Variants in PLCB1 observed in about 807,000 individuals in gnomAD.
The protein encoded by PLCB1 is phospholipase C beta 1, also known as 1-phosphatidylinositol 4,5-bisphosphate phosphodiesterase beta-1.
Under a neutral mutation model 161.8 loss-of-function variants are expected in PLCB1, and 46 were observed. That is an observed-to-expected ratio of 0.28 (90% confidence interval 0.22 to 0.36). The LOEUF (loss-of-function observed/expected upper bound fraction) is 0.36. Ranked by LOEUF, PLCB1 falls within the 10% of genes least tolerant of loss-of-function variation. PLCB1 has a pLI of 1.00. For missense variants in PLCB1, 1,016 were observed against 1,472.5 expected (o/e 0.69, Z 5.07); for synonymous variants, 517 against 503.7 (o/e 1.03, Z -0.35).
intron 3 of PLCB1, among the ~76,000 whole-genome samples, chr20:8,589,749 G>A (rs1383728293): frequency 6.6e-6 from 1 of 151,370 alleles, no homozygotes; most frequent in East Asian, 2.0e-4. Flanking sequence ...CCAAGTGACT[G>A]GGGCTACAGA....
At chr20:8,811,606 T>C (rs1468681335) in intron 31 of PLCB1, among the ~76,000 whole-genome samples, 2 of 152,242 alleles carry the variant, frequency 1.3e-5, no homozygotes, top group African/African-American at 4.8e-5. Flanking sequence ...AATATGTTAA[T>C]GAGTATACAG....
At chr20:8,168,640 G>A (rs2051700428) in intron 2 of PLCB1, among the ~76,000 whole-genome samples, 1 of 152,144 alleles carries the variant, frequency 6.6e-6, no homozygotes, top group Non-Finnish European at 1.5e-5. Context: ...GTTGGGAGCA[G>A]TTGCAACAAG....
chr20:8,412,437 A>T (rs1489575374), intron 3 of PLCB1, among the ~76,000 whole-genome samples: 1 of 152,206 alleles, frequency 6.6e-6, no homozygotes, highest in African/African-American at 2.4e-5. Context: ...ACAAGAAAAC[A>T]TCATTTTCCT....
chr20:8,752,519 C>A (rs1368036969), intron 23 of PLCB1, among the ~76,000 whole-genome samples: 1 of 152,058 alleles, frequency 6.6e-6, no homozygotes, highest in Non-Finnish European at 1.5e-5. Flanking sequence ...ATGGGCTGGG[C>A]AGGGTGGCTC....
chr20:8,169,609 G>A (rs1878712362), intron 2 of PLCB1, among the ~76,000 whole-genome samples: 2 of 152,006 alleles, frequency 1.3e-5, no homozygotes, highest in East Asian at 1.9e-4. Context: ...AAACATCAGG[G>A]CCCCCAAGGA....
intron 1 of PLCB1, among the ~76,000 whole-genome samples, chr20:8,147,935 C>T (rs926815): frequency 0.18 from 26,366 of 143,576 alleles, 2,458 homozygotes; most frequent in African/African-American, 0.24. Flanking sequence ...TGCAGTGGTG[C>T]GATCTCAGCT....
intron 25 of PLCB1, among the ~76,000 whole-genome samples, chr20:8,764,796 C>T (rs1982227912): frequency 6.6e-6 from 1 of 152,184 alleles, no homozygotes; most frequent in Non-Finnish European, 1.5e-5. Flanking sequence ...TGCTCAGCTC[C>T]TTCCCCAGCC....
Position 8,788,325 on chromosome 20 carries a change from C to CT in PLCB1, c.3112-121dup, listed in dbSNP as rs1179039690. On this transcript the variant is annotated intron_variant, in intron 27 of 31. Coordinates refer to ENST00000338037, the MANE Select transcript of PLCB1 (RefSeq NM_015192.4). ...ATTGCCAATGTTAGATGTCTGACAA[C>CT]TTTAACTATTGTGAAACATCCATCA... 1.1e-5 allele frequency: 9 copies of CT among 843,694 alleles called. No homozygotes were observed. The East Asian group carries it at 2.1e-4, about 20-fold the overall frequency. 52.3% of individuals were successfully genotyped at this position (843,694 alleles called of 1,614,324 possible).
chr20:8,561,953 CA>C (rs1194382924), intron 3 of PLCB1, among the ~76,000 whole-genome samples: 2 of 152,024 alleles, frequency 1.3e-5, no homozygotes, highest in East Asian at 1.9e-4. Flanking sequence ...ATTCTTGCAG[CA>C]AAAAACTCCC....
At chr20:8,257,282 G>C (rs1159858309) in intron 2 of PLCB1, among the ~76,000 whole-genome samples, 1 of 152,018 alleles carries the variant, frequency 6.6e-6, no homozygotes, top group Non-Finnish European at 1.5e-5. Flanking sequence ...TCAGGTACTA[G>C]AGTGATTTTT....
At chr20:8,687,009 T>C (rs1990374691) in intron 10 of PLCB1, among the ~76,000 whole-genome samples, 1 of 121,572 alleles carries the variant, frequency 8.2e-6, no homozygotes, top group Admixed American at 9.0e-5. Context: ...TACTTCTACC[T>C]ACCAATTTAA....
At chr20:8,172,307 A>G (rs566743491) in intron 2 of PLCB1, among the ~76,000 whole-genome samples, 31 of 152,308 alleles carry the variant, frequency 2.0e-4, no homozygotes, top group African/African-American at 7.5e-4. Flanking sequence ...GGAATCTCTG[A>G]TAAGCTGATC....
chr20:8,183,207 TCAGGG>T (rs2051865822), intron 2 of PLCB1, among the ~76,000 whole-genome samples: 1 of 152,210 alleles, frequency 6.6e-6, no homozygotes, highest in South Asian at 2.1e-4. Flanking sequence ...TATCTTTCCT[TCAGGG>T]TTCCAGTCCT....
At chr20:8,415,375 A>G (rs1293337550) in intron 3 of PLCB1, among the ~76,000 whole-genome samples, 1 of 152,238 alleles carries the variant, frequency 6.6e-6, no homozygotes, top group Non-Finnish European at 1.5e-5. Context: ...AGGAAACATT[A>G]TAAGTGTTCG....
chr20:8,593,570 T>G (rs1349244353), intron 3 of PLCB1, among the ~76,000 whole-genome samples: 1 of 152,222 alleles, frequency 6.6e-6, no homozygotes, highest in African/African-American at 2.4e-5. Flanking sequence ...CTTAGTATAA[T>G]ACCAATGATA....
chr20:8,446,854 CTTA>C (rs11468477), intron 3 of PLCB1, among the ~76,000 whole-genome samples: 2,830 of 151,800 alleles, frequency 0.019, 94 homozygotes, highest in African/African-American at 0.065. Context: ...ATAAATTGTT[CTTA>C]TTAAGGAATT....
At chr20:8,855,868 C>T (rs1392759732) in intron 31 of PLCB1, among the ~76,000 whole-genome samples, 1 of 152,132 alleles carries the variant, frequency 6.6e-6, no homozygotes, top group Non-Finnish European at 1.5e-5. Context: ...TAAAATTTGC[C>T]ACAGACTGGT....
rs567061842 is a variant in PLCB1, at chr20:8,163,708, A to G, written c.177+13337A>G. Among the ~76,000 whole-genome samples the G allele has an allele frequency of 1.1e-4, 16 of 152,314 alleles. No homozygotes were observed. In the East Asian group the frequency reaches 3.1e-3, roughly 29 times the overall value. The stretch of plus-strand genomic sequence containing the variant: ...CCGGCCGACATACCCCCATGGCCAC[A>G]TTTGGCTGGGGCAGTGCAGCAGCTG... On this transcript the variant is annotated intron_variant, in intron 2 of 31. Coordinates refer to ENST00000338037, the MANE Select transcript of PLCB1 (RefSeq NM_015192.4).
rs573930980 is a variant in PLCB1 at position 8,509,331 on chromosome 20, G to A, written c.247-118963G>A. 6.6e-5 allele frequency among the ~76,000 whole-genome samples: 10 copies of A among 152,276 alleles called. No individual in the cohort carries two copies. The South Asian group carries it at 2.1e-3, about 32-fold the overall frequency. ...ACATTCCACAGGAGAGCGCATCCGAGCATCAATTCTTGTAAGACAACTGGG... is the reference window on the plus strand; with the variant it reads ...ACATTCCACAGGAGAGCGCATCCGAACATCAATTCTTGTAAGACAACTGGG... On this transcript the variant is annotated intron_variant, in intron 3 of 31. Transcript: ENST00000338037.
Sources: gnomAD v4.1 joint callset for allele counts (sites outside exome capture counted in the v4.1 genomes callset) on GRCh38, gnomAD v4.1.1 for gene constraint, MANE v1.5 for transcripts, NCBI Gene and HGNC (gene_info 2026-07-23, HGNC 2026-07-21) for gene names.